Variants in PFKFB3 observed in about 807,000 individuals in gnomAD.
PFKFB3 encodes the protein 6-phosphofructo-2-kinase/fructose-2,6-bisphosphatase 3.
Under a neutral mutation model 68.0 loss-of-function variants are expected in PFKFB3, and 33 were observed. The observed-to-expected ratio is 0.49, with a 90% CI of 0.37 to 0.65. The LOEUF is 0.65. PFKFB3 is among the 30% of genes least tolerant of loss of function. The pLI is 0.00. For missense variants in PFKFB3, 586 were observed against 712.2 expected, an observed-to-expected ratio of 0.82 and a Z score of 2.02; for synonymous variants, 315 against 288.2, an observed-to-expected ratio of 1.09 and a Z score of -0.94.
chr10:6,149,468 T>C (rs918127296), intron 1 of PFKFB3, among the ~76,000 whole-genome samples: 1 of 151,548 alleles, frequency 6.6e-6, no homozygotes, highest in Non-Finnish European at 1.5e-5. Context: ...GCGCCTGTAA[T>C]TCCAGCTACC....
At chr10:6,284,119 T>C in the PFKFB3 span, among the ~76,000 whole-genome samples, 2 of 152,224 alleles carry the variant, frequency 1.3e-5, no homozygotes, top group Admixed American at 6.5e-5. Flanking sequence ...TCTGTCTTGA[T>C]GAATGTTCCA....
At chr10:6,304,663 T>C in the PFKFB3 span, among the ~76,000 whole-genome samples, 5 of 149,934 alleles carry the variant, frequency 3.3e-5, no homozygotes, top group South Asian at 2.1e-4. Context: ...CTCTTACTAT[T>C]CTAAATTAAA....
At chr10:6,270,088 C>T in the PFKFB3 span, among the ~76,000 whole-genome samples, 7 of 152,012 alleles carry the variant, frequency 4.6e-5, no homozygotes, top group East Asian at 1.9e-4. Context: ...GCCGAGATCG[C>T]GCCATTGTAC....
At chr10:6,176,596 G>A (rs1842481894) in intron 1 of PFKFB3, among the ~76,000 whole-genome samples, 2 of 152,130 alleles carry the variant, frequency 1.3e-5, no homozygotes, top group South Asian at 4.1e-4. Flanking sequence ...TTGTTGTCCA[G>A]GCTGTTCTTG....
rs189961326 is a variant in PFKFB3, at chr10:6,171,302, G to A, written c.16+26289G>A. ...ACTCCCGACCTCAGGTGATCCACCC[G>A]CCTCAGCCTCCCAAAGTGCTGGGAT... On this transcript the variant is annotated intron_variant, in intron 1 of 14. Transcript: ENST00000379789. 7.1e-3 allele frequency among the ~76,000 whole-genome samples: 1,076 copies of A among 152,112 alleles called. 11 individuals carry two copies. Among genetic ancestry groups the A allele is most frequent in the South Asian group, 0.056 (270 of 4,806 alleles).
the PFKFB3 span, among the ~76,000 whole-genome samples, chr10:6,274,908 C>CAA: frequency 6.2e-5 from 5 of 80,848 alleles, no homozygotes; most frequent in Non-Finnish European, 1.6e-4. Context: ...TACTGGTGAC[C>CAA]GACACAGAGG....
chr10:6,245,357 A>G (rs765533869), intron 14 of PFKFB3, among the ~76,000 whole-genome samples: 2 of 151,900 alleles, frequency 1.3e-5, no homozygotes, highest in Non-Finnish European at 2.9e-5. Flanking sequence ...GGCCTCCCAA[A>G]GTGCTAGGAT....
At chr10:6,274,755 G>A in the PFKFB3 span, among the ~76,000 whole-genome samples, 9 of 152,140 alleles carry the variant, frequency 5.9e-5, no homozygotes, top group African/African-American at 2.2e-4. Context: ...AGGATCCCTC[G>A]AGCCCGGGTG....
Position 6,208,842 on chromosome 10 carries a change from T to G in PFKFB3, c.77-4781T>G, listed in dbSNP as rs77845948. ...GCTGCTGCTTTCCATAACTGGCTCC[T>G]TGTGTCACTGTATCCCACGGCTGAG... On this transcript the variant is annotated intron_variant, in intron 1 of 14. Transcript: ENST00000379775. Among the ~76,000 whole-genome samples, 592 of 152,368 alleles carry G rather than the reference T, an allele frequency of 3.9e-3. 5 individuals are homozygous for G. The highest frequency in any genetic ancestry group is 0.013 in the African/African-American group (559 of 41,572).
chr10:6,148,902 A>T (rs1287519307), intron 1 of PFKFB3, among the ~76,000 whole-genome samples: 1 of 151,798 alleles, frequency 6.6e-6, no homozygotes, highest in Non-Finnish European at 1.5e-5. Flanking sequence ...ACATAGCGAG[A>T]CCCTCTCTCT....
At chr10:6,159,392 CT>C (rs1841905322) in intron 1 of PFKFB3, among the ~76,000 whole-genome samples, 1 of 148,920 alleles carries the variant, frequency 6.7e-6, no homozygotes, top group Non-Finnish European at 1.5e-5. Flanking sequence ...GAGACTCTGT[CT>C]TAATTAAAAA....
intron 14 of PFKFB3, among the ~76,000 whole-genome samples, chr10:6,245,285 C>G (rs564677293): frequency 6.6e-6 from 1 of 152,036 alleles, no homozygotes; most frequent in East Asian, 1.9e-4. Flanking sequence ...TTAGTAGAGA[C>G]GGGGTTTCAC....
chr10:6,237,341 C>T (rs532173246), downstream of PFKFB3, among the ~76,000 whole-genome samples: 8 of 152,350 alleles, frequency 5.3e-5, no homozygotes, highest in East Asian at 1.5e-3. Context: ...TGGGCTCTGT[C>T]ACTAAATGGA....
At chr10:6,184,199 C>T (rs1280648735) in intron 1 of PFKFB3, among the ~76,000 whole-genome samples, 1 of 151,582 alleles carries the variant, frequency 6.6e-6, no homozygotes, top group Non-Finnish European at 1.5e-5. Flanking sequence ...GTTGTAGGTG[C>T]CCACCACCAC....
rs564322512 is a variant in PFKFB3 at position 6,152,141 on chromosome 10, T to C, written c.16+7128T>C. On this transcript the variant is annotated intron_variant, in intron 1 of 14. Transcript: ENST00000379789. ...AAGAAAGATTCTGGTCTTATTCCAG[T>C]AAATTGATTTCAAGGCCACTAATGG... 3 of 154,694 alleles carry C rather than the reference T, an allele frequency of 1.9e-5. No individual in the cohort carries two copies. The Admixed American group carries it at 2.0e-4, about 10-fold the overall frequency. The allele number at this position is 154,694 out of a possible 1,614,324, so 9.6% of individuals were successfully genotyped here. A position where few individuals can be genotyped will look rare whatever the true frequency, so the allele number is the denominator to read the frequency against.
chr10:6,260,088 G>A, the PFKFB3 span, among the ~76,000 whole-genome samples: 28 of 152,046 alleles, frequency 1.8e-4, 1 homozygote, highest in East Asian at 1.2e-3. Flanking sequence ...ATAATTTATC[G>A]CCAAACAAAG....
chr10:6,299,187 A>G, the PFKFB3 span, among the ~76,000 whole-genome samples: 1 of 152,222 alleles, frequency 6.6e-6, no homozygotes, highest in African/African-American at 2.4e-5. Flanking sequence ...GAGACACGTC[A>G]GTTGATACCA....
At chr10:6,202,875 G>A (rs1439639503), upstream of PFKFB3, 14 of 1,055,678 alleles carry the variant, frequency 1.3e-5, no homozygotes, top group African/African-American at 1.7e-5. Context: ...CGAGGCTGAC[G>A]TACGCGTCTG....
intron 14 of PFKFB3, among the ~76,000 whole-genome samples, chr10:6,232,401 A>G (rs1340046304): frequency 2.6e-5 from 4 of 151,178 alleles, no homozygotes; most frequent in Non-Finnish European, 5.9e-5. Context: ...CAGCCATTCC[A>G]TGTATCACCT....
Sources: gnomAD v4.1 joint callset for allele counts (sites outside exome capture counted in the v4.1 genomes callset) on GRCh38, gnomAD v4.1.1 for gene constraint, MANE v1.5 for transcripts, NCBI Gene and HGNC (gene_info 2026-07-23, HGNC 2026-07-21) for gene names.